The following ZBTB49 variants were observed in gnomAD, a reference collection of about 807,000 sequenced individuals.
ZBTB49 encodes the protein zinc finger and BTB domain-containing protein 49.
A neutral mutation model predicts 57.5 loss-of-function variants in ZBTB49; 43 were observed. That is an observed-to-expected ratio of 0.75 (90% CI 0.59 to 0.97). The LOEUF (loss-of-function observed/expected upper bound fraction) is 0.97. Among genes scored for constraint, ZBTB49 ranks in the 50% least tolerant of loss-of-function variants. The pLI is 0.00. For synonymous variants in ZBTB49, 369 were observed against 362.1 expected, an observed-to-expected ratio of 1.02 and a Z score of -0.22; for missense variants, 938 against 947.7, an observed-to-expected ratio of 0.99 and a Z score of 0.13.
At chr4:4,303,169 TG>T (rs1720580574) in intron 3 of ZBTB49, 78 bp downstream of exon 3, 1 of 1,434,324 alleles carries the variant, frequency 7.0e-7, no homozygotes, top group African/African-American at 1.4e-5. Flanking sequence ...TTCTTGTTTT[TG>T]TAAGAAGTTT....
At chr4:4,316,464 G>A (rs1721200927) in intron 7 of ZBTB49, among the ~76,000 whole-genome samples, 1 of 152,214 alleles carries the variant, frequency 6.6e-6, no homozygotes. Context: ...CTGCTCCGAT[G>A]AGGACACGGA....
intron 2 of ZBTB49, 132 bp downstream of exon 2, chr4:4,300,229 G>A: frequency 1.9e-6 from 2 of 1,063,760 alleles, no homozygotes; most frequent in Admixed American, 5.5e-5. Flanking sequence ...TTTTGTAGGA[G>A]TTGTTTTAAT....
chr4:4,292,280 C>T (rs79991421), intron 1 of ZBTB49, among the ~76,000 whole-genome samples: 9,234 of 152,046 alleles, frequency 0.061, 752 homozygotes, highest in East Asian at 0.32. Context: ...GACTGCGTCT[C>T]GGAAAAAAAT....
Position 4,320,771 on chromosome 4 carries a change from C to T in ZBTB49, c.1753C>T (p.His585Tyr). 1 of 1,614,196 alleles carries T rather than the reference C, an allele frequency of 6.2e-7. No homozygotes were observed. Among genetic ancestry groups the T allele is most frequent in the East Asian group, 2.2e-5 (1 of 44,878 alleles). Residue 585 changes from histidine to tyrosine, a missense_variant, in exon 8 of 8, where the codon CAC (histidine) becomes TAC (tyrosine). Transcript: ENST00000337872. ...SAVLRRHKKM[H>Y]CKAGDESPDV... ...GGTGCTCCGGCGGCACAAGAAGATG[C>T]ACTGCAAAGCTGGTGACGAGAGCCC...
Position 4,312,935 on chromosome 4 carries a change from T to G in ZBTB49, c.1303-106T>G. On this transcript the variant is annotated intron_variant, in intron 4 of 7. Coordinates refer to ENST00000337872, the MANE Select transcript of ZBTB49 (RefSeq NM_145291.4). Reference sequence around the variant, plus strand: ...GTGTAGCTCATCTTCATCTGGAATTTGAATTGGAACCTGGCTAAATGTGTC... The same window carrying G: ...GTGTAGCTCATCTTCATCTGGAATTGGAATTGGAACCTGGCTAAATGTGTC... 3.2e-6 allele frequency: 4 copies of G among 1,251,414 alleles called. No individual in the cohort carries two copies. The South Asian group carries it at 5.5e-5, about 17-fold the overall frequency. The allele number at this position is 1,251,414 out of a possible 1,614,324, so 77.5% of individuals were successfully genotyped here. A position where few individuals can be genotyped will look rare whatever the true frequency, so the allele number is the denominator to read the frequency against.
At chr4:4,312,078 A>T (rs1721001536) in intron 4 of ZBTB49, among the ~76,000 whole-genome samples, 1 of 152,184 alleles carries the variant, frequency 6.6e-6, no homozygotes, top group African/African-American at 2.4e-5. Context: ...GTTGGCTAGT[A>T]TTCATTCTCG....
At chr4:4,306,096 A>G (rs754129176) in intron 3 of ZBTB49, 42 bp from the exon 4 acceptor site, 31 of 1,578,344 alleles carry the variant, frequency 2.0e-5, no homozygotes, top group Non-Finnish European at 2.5e-5. Context: ...TTGAACAAAT[A>G]CTAGTAATGA....
chr4:4,296,301 T>C (rs1034393784), intron 1 of ZBTB49, among the ~76,000 whole-genome samples: 7 of 152,200 alleles, frequency 4.6e-5, no homozygotes, highest in African/African-American at 1.2e-4. Context: ...CAAGGTGATA[T>C]ATGGTTTGAC....
chr4:4,307,638 T>C (rs1003925107), intron 4 of ZBTB49, among the ~76,000 whole-genome samples: 14 of 152,140 alleles, frequency 9.2e-5, no homozygotes, highest in African/African-American at 3.4e-4. Flanking sequence ...TCCTCTCCTG[T>C]CCATCCTCAT....
At chr4:4,316,499 C>CAT (rs1279011091) in intron 7 of ZBTB49, among the ~76,000 whole-genome samples, 1 of 152,166 alleles carries the variant, frequency 6.6e-6, no homozygotes, top group Non-Finnish European at 1.5e-5. Context: ...TAGCTCATGA[C>CAT]CTGTGATCAC....
intron 1 of ZBTB49, among the ~76,000 whole-genome samples, chr4:4,298,472 GGGC>G: frequency 6.1e-5 from 1 of 16,470 alleles, no homozygotes; most frequent in South Asian, 3.5e-3. Flanking sequence ...CCAGGCTGGA[GGGC>G]GAGGGCAGTG....
chr4:4,291,130 C>T (rs1383094616), intron 1 of ZBTB49, among the ~76,000 whole-genome samples: 1 of 152,122 alleles, frequency 6.6e-6, no homozygotes, highest in Admixed American at 6.5e-5. Context: ...CAGTGTTGGG[C>T]CTGGAATAGA....
chr4:4,306,806 A>G (rs560494430), intron 4 of ZBTB49, among the ~76,000 whole-genome samples: 4 of 152,358 alleles, frequency 2.6e-5, no homozygotes, highest in Admixed American at 2.0e-4. Context: ...GAAGGTAACT[A>G]TTCACCGCCA....
intron 1 of ZBTB49, among the ~76,000 whole-genome samples, chr4:4,296,683 A>G (rs1450635928): frequency 6.6e-6 from 1 of 152,260 alleles, no homozygotes; most frequent in Non-Finnish European, 1.5e-5. Context: ...GAAAGGAGTC[A>G]TGAGAAAGTA....
chr4:4,295,586 G>A (rs985786774), intron 1 of ZBTB49, among the ~76,000 whole-genome samples: 2 of 152,186 alleles, frequency 1.3e-5, no homozygotes, highest in African/African-American at 4.8e-5. Context: ...TGGCAGGGGT[G>A]GGTAACTGAT....
Position 4,321,460 on chromosome 4 carries a change from CTG to C in ZBTB49, c.*145_*146del. On this transcript the variant is annotated 3_prime_UTR_variant, in exon 8 of 8. Coordinates refer to ENST00000337872, the MANE Select transcript of ZBTB49 (RefSeq NM_145291.4). ...TTCCCTCCTGATGATGGCTCATAAT[CTG>C]AAGCATCTTGAGCTGGGGGTGTGAG... The C allele has an allele frequency of 1.1e-6, 1 of 900,844 alleles. No homozygotes were observed. Among genetic ancestry groups the C allele is most frequent in the Non-Finnish European group, 1.7e-6 (1 of 602,370 alleles). The allele number at this position is 900,844 out of a possible 1,614,324, so 55.8% of individuals were successfully genotyped here. A position where few individuals can be genotyped will look rare whatever the true frequency, so the allele number is the denominator to read the frequency against.
intron 1 of ZBTB49, among the ~76,000 whole-genome samples, chr4:4,297,479 C>T (rs1325763100): frequency 6.6e-6 from 1 of 152,126 alleles, no homozygotes; most frequent in African/African-American, 2.4e-5. Flanking sequence ...CAACCCCAAA[C>T]CCAGAGCGGG....
At chr4:4,304,199 TCTC>T (rs912800618) in intron 3 of ZBTB49, among the ~76,000 whole-genome samples, 1 of 151,838 alleles carries the variant, frequency 6.6e-6, no homozygotes, top group African/African-American at 2.4e-5. Flanking sequence ...TTTGCCTAAA[TCTC>T]CTACAGCCTA....
rs558637862 is a variant in ZBTB49, at chr4:4,316,922, T to G, written c.1621+952T>G. 2.0e-5 allele frequency among the ~76,000 whole-genome samples: 3 copies of G among 152,310 alleles called. No homozygotes were observed. The East Asian group carries it at 5.8e-4, about 29-fold the overall frequency. ...CTGTGGTGGCGTTCGCCTGTAATCT[T>G]AGCTACTTGGGAGGTTGAAGCTGGA... On this transcript the variant is annotated intron_variant, in intron 7 of 7. Coordinates refer to ENST00000337872, the MANE Select transcript of ZBTB49 (RefSeq NM_145291.4).
Sources: allele counts gnomAD v4.1 joint callset (sites outside exome capture counted in the v4.1 genomes callset), GRCh38; gene constraint gnomAD v4.1.1; transcripts MANE v1.5; gene names NCBI Gene and HGNC (gene_info 2026-07-23, HGNC 2026-07-21).